The following ATAD2B variants were observed in gnomAD, a reference collection of about 807,000 sequenced individuals.
ATAD2B encodes ATPase family AAA domain-containing protein 2B.
In ATAD2B, 40 loss-of-function variants were observed where a neutral mutation model predicts 167.6. The ratio of observed to expected loss-of-function variants is 0.24; its 90% CI spans 0.19 to 0.31. The LOEUF (loss-of-function observed/expected upper bound fraction) is 0.31. Among genes scored for constraint, ATAD2B ranks in the 10% least tolerant of loss-of-function variants. ATAD2B has a pLI of 1.00. For synonymous variants in ATAD2B, 579 were observed against 596.5 expected (o/e 0.97, Z 0.43); for missense variants, 1,242 against 1,757.2 (o/e 0.71, Z 5.24).
intron 1 of ATAD2B, among the ~76,000 whole-genome samples, chr2:23,907,880 A>C (rs908992266): frequency 6.6e-5 from 10 of 152,268 alleles, no homozygotes; most frequent in South Asian, 4.1e-4. Context: ...CAAAAACAAG[A>C]AATGGGGAAA....
At chr2:23,910,403 C>G (rs570018423) in intron 1 of ATAD2B, among the ~76,000 whole-genome samples, 13 of 150,364 alleles carry the variant, frequency 8.6e-5, no homozygotes, top group Non-Finnish European at 1.9e-4. Context: ...GTCTCGAACT[C>G]CTGACCTCAG....
intron 19 of ATAD2B, among the ~76,000 whole-genome samples, chr2:23,790,225 A>G (rs1330582799): frequency 6.6e-6 from 1 of 152,134 alleles, no homozygotes; most frequent in African/African-American, 2.4e-5. Context: ...CTCTGCTGTC[A>G]AAGATTTTAG....
At chr2:23,925,598 G>A (rs1704628511) in intron 1 of ATAD2B, among the ~76,000 whole-genome samples, 1 of 152,126 alleles carries the variant, frequency 6.6e-6, no homozygotes, top group Admixed American at 6.5e-5. Flanking sequence ...TCTGAATTCA[G>A]AAACAATCTC....
chr2:23,854,701 G>A (rs1371199296), intron 13 of ATAD2B, among the ~76,000 whole-genome samples: 3 of 150,300 alleles, frequency 2.0e-5, no homozygotes, highest in Non-Finnish European at 3.0e-5. Flanking sequence ...AAAAGCTAAC[G>A]CTATTAATAT....
the ATAD2B span, among the ~76,000 whole-genome samples, chr2:23,736,495 T>C: frequency 6.6e-6 from 1 of 152,132 alleles, no homozygotes; most frequent in Non-Finnish European, 1.5e-5. Flanking sequence ...AAAATCATCA[T>C]GAATACCCTC....
chr2:23,685,527 G>A, the ATAD2B span: 1 of 152,322 alleles, frequency 6.6e-6, no homozygotes, highest in Non-Finnish European at 1.5e-5. Context: ...CGGAGTGACT[G>A]TGTTTTGTTT....
rs543875486 is a variant in ATAD2B, at chr2:23,752,299, T to C, written c.4336-212A>G. Among the ~76,000 whole-genome samples the C allele has an allele frequency of 3.3e-5, 5 of 151,950 alleles. No individual in the cohort carries two copies. In the East Asian group the frequency reaches 9.7e-4, roughly 29 times the overall value. Reference sequence around the variant, plus strand: ...TATTTTATATTTAGGCCAATAAGGATGATGATGATGGTCACACTCAACAAA... The same window carrying C: ...TATTTTATATTTAGGCCAATAAGGACGATGATGATGGTCACACTCAACAAA... On this transcript the variant is annotated intron_variant, in intron 27 of 27. Coordinates refer to ENST00000238789, the MANE Select transcript of ATAD2B (RefSeq NM_017552.4).
chr2:23,873,481 C>G (rs368573154), intron 8 of ATAD2B, among the ~76,000 whole-genome samples: 1 of 152,184 alleles, frequency 6.6e-6, no homozygotes. Context: ...ATATGGCCTA[C>G]ACACATCCTC....
intron 2 of ATAD2B, among the ~76,000 whole-genome samples, chr2:23,891,019 G>GTTTTTTTTTTTTT (rs1304538422): frequency 7.4e-6 from 1 of 135,390 alleles, no homozygotes; most frequent in African/African-American, 2.6e-5. Flanking sequence ...AATATACTGA[G>GTTTTTTTTTTTTT]ATTTTTTTTT....
intron 13 of ATAD2B, among the ~76,000 whole-genome samples, chr2:23,851,921 G>GA (rs35208908): frequency 0.47 from 66,197 of 142,052 alleles, 15,570 homozygotes; most frequent in East Asian, 0.78. Context: ...GAGTAATCAA[G>GA]AAAAAAAAAA....
chr2:23,724,226 T>C, the ATAD2B span, among the ~76,000 whole-genome samples: 5 of 152,140 alleles, frequency 3.3e-5, no homozygotes, highest in Admixed American at 6.5e-5. Flanking sequence ...AGAATGACTA[T>C]AGTTAACAAT....
intron 12 of ATAD2B, 120 bp downstream of exon 12, chr2:23,863,261 A>C: frequency 6.4e-6 from 6 of 939,334 alleles, no homozygotes; most frequent in Non-Finnish European, 7.8e-6. Context: ...GTGAGACGAG[A>C]TCACGCTATT....
At chr2:23,686,804 T>C in the ATAD2B span, among the ~76,000 whole-genome samples, 1 of 152,050 alleles carries the variant, frequency 6.6e-6, no homozygotes. Context: ...CTGGGGGGCC[T>C]TCAGCATACA....
At chr2:23,715,081 C>G in the ATAD2B span, among the ~76,000 whole-genome samples, 1 of 152,036 alleles carries the variant, frequency 6.6e-6, no homozygotes, top group Non-Finnish European at 1.5e-5. Context: ...CTAAAACAAC[C>G]AACCCACACA....
At chr2:23,755,179 G>GC (rs1675808744) in intron 25 of ATAD2B, 1 of 151,434 alleles carries the variant, frequency 6.6e-6, no homozygotes, top group Non-Finnish European at 1.5e-5. Context: ...CAAAAGTGGG[G>GC]CCCACCTGTC....
chr2:23,700,760 G>A, the ATAD2B span, among the ~76,000 whole-genome samples: 37 of 152,092 alleles, frequency 2.4e-4, no homozygotes, highest in Non-Finnish European at 3.8e-4. This position sits in a 1 kb window ranked among gnomAD's most constrained non-coding sequence, Gnocchi z 4.6. Context: ...CTCTTGTTCC[G>A]GTTGAAGTGC....
the ATAD2B span, chr2:23,693,420 C>T: frequency 2.8e-5 from 43 of 1,551,612 alleles, no homozygotes; most frequent in Middle Eastern, 1.7e-4. Flanking sequence ...TCTCCAAGGA[C>T]GACTTCATCG....
chr2:23,730,665 CAA>C, the ATAD2B span, among the ~76,000 whole-genome samples: 1 of 31,980 alleles, frequency 3.1e-5, no homozygotes, highest in East Asian at 1.2e-3. Context: ...GACTCCGTTT[CAA>C]AAAAAAAAAA....
intron 20 of ATAD2B, among the ~76,000 whole-genome samples, chr2:23,787,520 CCA>C (rs1361772308): frequency 7.2e-5 from 11 of 151,756 alleles, no homozygotes; most frequent in African/African-American, 2.7e-4. Context: ...AGGGAAAAAA[CCA>C]TAACTACAGC....
Sources: allele counts gnomAD v4.1 joint callset (sites outside exome capture counted in the v4.1 genomes callset), GRCh38; gene constraint gnomAD v4.1.1; non-coding constraint Gnocchi (gnomAD v3.1); transcripts MANE v1.5; gene names NCBI Gene and HGNC (gene_info 2026-07-23, HGNC 2026-07-21).